The following ASTN2 variants were observed in gnomAD, a reference collection of about 807,000 sequenced individuals.
ASTN2 encodes the protein astrotactin 2, also known as astrotactin-2.
Under a neutral mutation model 139.8 loss-of-function variants are expected in ASTN2, and 54 were observed. The observed-to-expected ratio is 0.39, with a 90% CI of 0.31 to 0.48. The LOEUF (loss-of-function observed/expected upper bound fraction) is 0.48. Ranked by LOEUF, ASTN2 falls within the 20% of genes least tolerant of loss-of-function variation. ASTN2 has a pLI of 0.95. For synonymous variants in ASTN2, 756 were observed against 719.5 expected (o/e 1.05, Z -0.81); for missense variants, 1,565 against 1,725.1 (o/e 0.91, Z 1.64).
intron 10 of ASTN2, among the ~76,000 whole-genome samples, chr9:116,915,853 C>T (rs12000214): frequency 0.018 from 2,779 of 152,240 alleles, 85 homozygotes; most frequent in African/African-American, 0.063. Flanking sequence ...GTGACCTGTT[C>T]TGACAAATTA....
At chr9:116,567,417 G>A (rs1203041839) in intron 19 of ASTN2, among the ~76,000 whole-genome samples, 1 of 152,208 alleles carries the variant, frequency 6.6e-6, no homozygotes, top group Non-Finnish European at 1.5e-5. Flanking sequence ...GCGGGGTGGG[G>A]CGCCAACAGC....
At chr9:117,383,905 G>C (rs1830331289) in intron 1 of ASTN2, among the ~76,000 whole-genome samples, 2 of 152,108 alleles carry the variant, frequency 1.3e-5, no homozygotes, top group Admixed American at 6.6e-5. Flanking sequence ...CTGTTGCTTG[G>C]CATATTGTAA....
chr9:117,094,884 GA>G (rs1274772278), intron 5 of ASTN2, among the ~76,000 whole-genome samples: 2 of 152,192 alleles, frequency 1.3e-5, no homozygotes, highest in African/African-American at 4.8e-5. Flanking sequence ...GCTTGTAGAT[GA>G]AAAACTGAGG....
chr9:116,977,884 T>G (rs1228831313), intron 7 of ASTN2, among the ~76,000 whole-genome samples: 1 of 151,688 alleles, frequency 6.6e-6, no homozygotes, highest in Admixed American at 6.6e-5. Context: ...GCCCAGGTAA[T>G]TTTTGTATTT....
intron 19 of ASTN2, among the ~76,000 whole-genome samples, chr9:116,488,004 G>A (rs1465066930): frequency 1.3e-5 from 2 of 152,148 alleles, no homozygotes; most frequent in Non-Finnish European, 2.9e-5. Flanking sequence ...GAGTGTTATA[G>A]TGAGATGGAC....
intron 10 of ASTN2, among the ~76,000 whole-genome samples, chr9:116,948,785 G>GTTTTTTTTTTTTTTTTTTTTTTTTTTTTT: frequency 2.0e-5 from 1 of 49,472 alleles, no homozygotes; most frequent in Non-Finnish European, 3.4e-5. Context: ...ATAATTTGGT[G>GTTTTTTTTTTTTTTTTTTTTTTTTTTTTT]TTTTTTTTTT....
intron 16 of ASTN2, among the ~76,000 whole-genome samples, chr9:116,666,889 T>A (rs1440512218): frequency 6.6e-6 from 1 of 151,216 alleles, no homozygotes; most frequent in East Asian, 1.9e-4. Flanking sequence ...TATTATAGAT[T>A]AAAAGAACAC....
intron 1 of ASTN2, among the ~76,000 whole-genome samples, chr9:117,375,626 G>C (rs778398110): frequency 3.3e-5 from 5 of 152,212 alleles, no homozygotes; most frequent in Non-Finnish European, 7.3e-5. Flanking sequence ...CAGCTTGCAA[G>C]TACAGAAGCA....
intron 19 of ASTN2, among the ~76,000 whole-genome samples, chr9:116,550,118 C>T (rs756140922): frequency 1.3e-5 from 2 of 152,192 alleles, no homozygotes; most frequent in Admixed American, 1.3e-4. Context: ...TACAACTCCA[C>T]ATCAAGTGTT....
intron 10 of ASTN2, among the ~76,000 whole-genome samples, chr9:116,877,593 T>G (rs1833336487): frequency 6.6e-6 from 1 of 152,146 alleles, no homozygotes; most frequent in Admixed American, 6.5e-5. Context: ...ATCTAGGGAT[T>G]TGGGGATGGG....
intron 20 of ASTN2, among the ~76,000 whole-genome samples, chr9:116,475,209 T>A (rs150364858): frequency 3.9e-5 from 6 of 152,300 alleles, no homozygotes; most frequent in African/African-American, 1.4e-4. Flanking sequence ...GGAAGATGTA[T>A]TAACACCAAA....
At chr9:116,943,949 A>G (rs10983423) in intron 10 of ASTN2, among the ~76,000 whole-genome samples, 5,569 of 152,246 alleles carry the variant, frequency 0.037, 255 homozygotes, top group East Asian at 0.24. Flanking sequence ...CTGCCCTCCA[A>G]GAGTTCACAG....
At chr9:117,236,701 T>A (rs1297711856) in intron 2 of ASTN2, among the ~76,000 whole-genome samples, 1 of 152,138 alleles carries the variant, frequency 6.6e-6, no homozygotes, top group Non-Finnish European at 1.5e-5. Flanking sequence ...TGAGCCCCAT[T>A]TCCTAAATCT....
At chr9:116,527,342 T>A (rs1851139340) in intron 19 of ASTN2, among the ~76,000 whole-genome samples, 1 of 152,008 alleles carries the variant, frequency 6.6e-6, no homozygotes, top group Admixed American at 6.6e-5. Context: ...GAAAACAAAT[T>A]GTCCAATTAA....
chr9:117,358,232 G>T (rs1242499354), intron 1 of ASTN2, among the ~76,000 whole-genome samples: 1 of 150,704 alleles, frequency 6.6e-6, no homozygotes, highest in South Asian at 2.1e-4. Context: ...GGTCAGACAG[G>T]TTAGGTAATA....
In ASTN2 at chr9:116,699,092, C is replaced by T. The variant is rs1385035962; in HGVS notation, c.2806+26679G>A. 1.9e-6 allele frequency: 3 copies of T among 1,613,944 alleles called. No individual in the cohort carries two copies. Among genetic ancestry groups the T allele is most frequent in the Non-Finnish European group, 8.5e-7 (1 of 1,179,936 alleles). ...TTGGTGTGACTGACAGCTATGATAA[C>T]TCCCTCAAGGTATATACCTTGGATG... On this transcript the variant is annotated intron_variant, in intron 16 of 22. Transcript: ENST00000313400. This position sits in a 1 kb window ranked among gnomAD's most constrained non-coding sequence, Gnocchi z 4.2.
chr9:117,380,775 G>T (rs960550767), intron 1 of ASTN2, among the ~76,000 whole-genome samples: 1 of 152,138 alleles, frequency 6.6e-6, no homozygotes, highest in Non-Finnish European at 1.5e-5. Flanking sequence ...TGTTGGTGAG[G>T]ATCTGGAGCA....
At chr9:117,007,860 A>T (rs1019813477) in intron 7 of ASTN2, among the ~76,000 whole-genome samples, 1 of 151,810 alleles carries the variant, frequency 6.6e-6, no homozygotes, top group African/African-American at 2.4e-5. Context: ...GAGCTAGGCC[A>T]GATGTTCTCT....
At position 116,600,450 on chromosome 9, in the gene ASTN2, G is replaced by A. The variant is rs139671718; in HGVS notation, c.3355+17874C>T. On this transcript the variant is annotated intron_variant, in intron 19 of 22. Coordinates refer to ENST00000313400, the MANE Select transcript of ASTN2 (RefSeq NM_001365068.1). ...CTGGCTGTCATTACACTGGCAGTGA[G>A]CAATAGAGAAATGTAGATTAAATGG... Among the ~76,000 whole-genome samples the A allele has an allele frequency of 6.2e-3, 945 of 152,214 alleles. 14 individuals carry two copies. The highest frequency in any genetic ancestry group is 0.021 in the African/African-American group (884 of 41,510).
Sources: allele counts gnomAD v4.1 joint callset (sites outside exome capture counted in the v4.1 genomes callset), GRCh38; gene constraint gnomAD v4.1.1; non-coding constraint Gnocchi (gnomAD v3.1); transcripts MANE v1.5; gene names NCBI Gene and HGNC (gene_info 2026-07-23, HGNC 2026-07-21).